ELOVL7: variants seen among roughly 807,000 people sequenced by gnomAD.
ELOVL7 encodes the protein ELOVL fatty acid elongase 7.
Under a neutral mutation model 35.7 loss-of-function variants are expected in ELOVL7, and 27 were observed. The ratio of observed to expected loss-of-function variants is 0.76; its 90% confidence interval spans 0.56 to 1.04. The LOEUF is 1.04. Among genes scored for constraint, ELOVL7 ranks in the 50% least tolerant of loss-of-function variants. The probability of loss-of-function intolerance (pLI) is 0.00; values close to 1 mark genes in which losing one functional copy is unlikely to be tolerated. For missense variants in ELOVL7, 327 were observed against 340.8 expected (o/e 0.96, Z 0.32); for synonymous variants, 113 against 114.6 (o/e 0.99, Z 0.09).
intron 3 of ELOVL7, among the ~76,000 whole-genome samples, chr5:60,775,240 C>A (rs1025686366): frequency 3.3e-5 from 5 of 152,028 alleles, no homozygotes; most frequent in African/African-American, 1.2e-4. Flanking sequence ...TAACCACAAG[C>A]ACAAAAAATA....
At chr5:60,801,712 GA>G (rs971293356) in intron 1 of ELOVL7, among the ~76,000 whole-genome samples, 2 of 149,608 alleles carry the variant, frequency 1.3e-5, no homozygotes, top group African/African-American at 4.9e-5. Context: ...CAAAAAAAAA[GA>G]AAAAAAAATG....
At chr5:60,768,883 T>A (rs1742408782) in intron 4 of ELOVL7, among the ~76,000 whole-genome samples, 1 of 152,200 alleles carries the variant, frequency 6.6e-6, no homozygotes, top group Admixed American at 6.5e-5. Flanking sequence ...TAGTTTTAAT[T>A]ACTATTAAAG....
At chr5:60,788,821 A>G (rs974260214) in intron 2 of ELOVL7, among the ~76,000 whole-genome samples, 1 of 152,174 alleles carries the variant, frequency 6.6e-6, no homozygotes, top group African/African-American at 2.4e-5. Context: ...GGGTTCCCAC[A>G]AGAAAATTCA....
intron 1 of ELOVL7, among the ~76,000 whole-genome samples, chr5:60,839,092 C>A (rs537075604): frequency 3.9e-5 from 6 of 152,006 alleles, no homozygotes; most frequent in African/African-American, 1.4e-4. Flanking sequence ...AAGCCCAGCA[C>A]TTTGGGAGGC....
At chr5:60,783,117 G>A (rs1174989055) in intron 3 of ELOVL7, among the ~76,000 whole-genome samples, 1 of 152,126 alleles carries the variant, frequency 6.6e-6, no homozygotes, top group Non-Finnish European at 1.5e-5. Context: ...TCATAGTTAA[G>A]AGCTAGGGGT....
At chr5:60,762,411 G>GA in intron 7 of ELOVL7, among the ~76,000 whole-genome samples, 1 of 151,056 alleles carries the variant, frequency 6.6e-6, no homozygotes, top group African/African-American at 2.4e-5. Flanking sequence ...CTCAAACATA[G>GA]AAGTTAGAAA....
intron 4 of ELOVL7, among the ~76,000 whole-genome samples, chr5:60,768,223 G>A (rs532175244): frequency 7.2e-4 from 109 of 152,280 alleles, no homozygotes; most frequent in African/African-American, 2.3e-3. Flanking sequence ...ACTGGTAGGT[G>A]ACTTATCTTA....
intron 1 of ELOVL7, among the ~76,000 whole-genome samples, chr5:60,811,164 T>G (rs1378594791): frequency 3.3e-5 from 5 of 152,094 alleles, no homozygotes; most frequent in Non-Finnish European, 7.4e-5. Context: ...TAAGGTCAGT[T>G]GTACTTTTTT....
intron 3 of ELOVL7, among the ~76,000 whole-genome samples, chr5:60,774,764 C>T (rs997063233): frequency 2.3e-4 from 32 of 136,716 alleles, no homozygotes; most frequent in African/African-American, 7.0e-4. Context: ...ATAAAACTCT[C>T]TTTTTTTTTT....
At chr5:60,764,409 A>G in intron 6 of ELOVL7, 77 bp from the exon 7 acceptor site, 1 of 1,086,128 alleles carries the variant, frequency 9.2e-7, no homozygotes, top group South Asian at 1.4e-5. Context: ...AATATTGGCA[A>G]AGTGCAAAGT....
At chr5:60,815,347 C>G (rs1309637602) in intron 1 of ELOVL7, among the ~76,000 whole-genome samples, 6 of 152,062 alleles carry the variant, frequency 3.9e-5, no homozygotes, top group Non-Finnish European at 8.8e-5. Flanking sequence ...TCTAAATAAC[C>G]TAAATATACA....
chr5:60,786,242 T>C (rs2112234428), intron 3 of ELOVL7, among the ~76,000 whole-genome samples: 1 of 152,382 alleles, frequency 6.6e-6, no homozygotes. Flanking sequence ...AAGATCCATC[T>C]CAGTTCTAAG....
chr5:60,836,236 T>C (rs1462436318), intron 1 of ELOVL7, among the ~76,000 whole-genome samples: 1 of 152,062 alleles, frequency 6.6e-6, no homozygotes, highest in East Asian at 1.9e-4. Flanking sequence ...GAAGAATGAA[T>C]AGTGGTTCTC....
chr5:60,814,763 C>G (rs1745426844), intron 1 of ELOVL7, among the ~76,000 whole-genome samples: 1 of 152,226 alleles, frequency 6.6e-6, no homozygotes, highest in Admixed American at 6.5e-5. Context: ...TGATAGCACA[C>G]AGCTTCCCAG....
chr5:60,780,529 C>T (rs921543162), intron 3 of ELOVL7, among the ~76,000 whole-genome samples: 5 of 152,272 alleles, frequency 3.3e-5, no homozygotes, highest in African/African-American at 2.4e-5. Context: ...CTTATAGTAG[C>T]GCCCCATTCT....
At chr5:60,767,374 G>GT (rs1180607748) in intron 5 of ELOVL7, among the ~76,000 whole-genome samples, 8 of 152,172 alleles carry the variant, frequency 5.3e-5, no homozygotes, top group African/African-American at 1.9e-4. Context: ...GATTACAAGC[G>GT]TAAGCCACTG....
intron 1 of ELOVL7, among the ~76,000 whole-genome samples, chr5:60,824,425 G>A (rs1181626825): frequency 6.6e-6 from 1 of 152,190 alleles, no homozygotes; most frequent in Non-Finnish European, 1.5e-5. Context: ...CGAAGAACAA[G>A]AGACAAAGAA....
At chr5:60,765,727 T>C (rs7716051) in intron 6 of ELOVL7, among the ~76,000 whole-genome samples, 41,759 of 152,086 alleles carry the variant, frequency 0.27, 9,547 homozygotes, top group African/African-American at 0.63. Context: ...AACCACTGGA[T>C]TGTATGTTCA....
intron 1 of ELOVL7, among the ~76,000 whole-genome samples, chr5:60,822,498 A>C (rs1472314464): frequency 1.3e-5 from 2 of 152,244 alleles, no homozygotes; most frequent in Non-Finnish European, 1.5e-5. Flanking sequence ...ATGAGAAATC[A>C]TTATAGGCCT....
Sources: gnomAD v4.1 joint callset for allele counts (sites outside exome capture counted in the v4.1 genomes callset) on GRCh38, gnomAD v4.1.1 for gene constraint, MANE v1.5 for transcripts, NCBI Gene and HGNC (gene_info 2026-07-23, HGNC 2026-07-21) for gene names.